Variants in DIPK1C observed in about 807,000 individuals in gnomAD.
DIPK1C encodes the protein divergent protein kinase domain 1C, also known as familial non-conventional Alzheimer's dementia.
In DIPK1C, 33 loss-of-function variants were observed where a neutral mutation model predicts 28.0. The observed-to-expected ratio is 1.18, with a 90% CI of 0.89 to 1.58. DIPK1C has a LOEUF of 1.58. Among genes scored for constraint, DIPK1C ranks in the 40% most tolerant of loss-of-function variants. The probability of loss-of-function intolerance (pLI) is 0.00; values close to 1 mark genes in which losing one functional copy is unlikely to be tolerated. For missense variants in DIPK1C, 569 were observed against 568.5 expected (o/e 1.00, Z -0.01); for synonymous variants, 255 against 248.8 (o/e 1.02, Z -0.23).
Position 74,436,001 on chromosome 18 carries a change from CCA to C in DIPK1C, c.*498_*499del, listed in dbSNP as rs1568259937. 5.7e-6 allele frequency: 1 copy of C among 174,192 alleles called. No individual in the cohort carries two copies. The highest frequency in any genetic ancestry group is 5.5e-5 in the Admixed American group (1 of 18,178). The allele number at this position is 174,192 out of a possible 1,614,324, so 10.8% of individuals were successfully genotyped here. A position where few individuals can be genotyped will look rare whatever the true frequency, so the allele number is the denominator to read the frequency against. ...CATACTCATACTCCTCATGAGCACA[CCA>C]CACTCACCTGTGCACACTCACCTGT... On this transcript the variant is annotated 3_prime_UTR_variant, in exon 4 of 4. Transcript: ENST00000343998.
At chr18:74,441,740 T>G (rs1986128574) in intron 3 of DIPK1C, among the ~76,000 whole-genome samples, 1 of 152,148 alleles carries the variant, frequency 6.6e-6, no homozygotes, top group Non-Finnish European at 1.5e-5. Flanking sequence ...CCTCATCAGA[T>G]GCCCCTGGTC....
At chr18:74,464,342 C>T in the DIPK1C span, among the ~76,000 whole-genome samples, 10 of 152,340 alleles carry the variant, frequency 6.6e-5, no homozygotes, top group Admixed American at 5.9e-4. Context: ...CTCTCTCTCA[C>T]ACCCAACACC....
Position 74,455,580 on chromosome 18 carries a change from T to C in DIPK1C, c.198+1482A>G, listed in dbSNP as rs570571858. 5.4e-4 allele frequency among the ~76,000 whole-genome samples: 82 copies of C among 152,120 alleles called. No individual in the cohort carries two copies. In the South Asian group the frequency reaches 0.012, roughly 23 times the overall value. On this transcript the variant is annotated intron_variant, in intron 1 of 3. Transcript: ENST00000343998. Reference sequence around the variant, plus strand: ...CCGAAGTGGGCGGATCGCCTGAGGTTGGGAGTTCGAGACGAGCCTGACCAA... The same window carrying C: ...CCGAAGTGGGCGGATCGCCTGAGGTCGGGAGTTCGAGACGAGCCTGACCAA...
chr18:74,452,887 C>T (rs905436815), intron 1 of DIPK1C, among the ~76,000 whole-genome samples: 16 of 151,972 alleles, frequency 1.1e-4, no homozygotes, highest in African/African-American at 3.9e-4. Flanking sequence ...AGGAGGAGTT[C>T]CTAAGGCCAG....
chr18:74,461,236 A>AG (rs1986611545), upstream of DIPK1C, among the ~76,000 whole-genome samples: 2 of 152,160 alleles, frequency 1.3e-5, no homozygotes, highest in Non-Finnish European at 2.9e-5. Flanking sequence ...ACTCAGGACA[A>AG]CAGCTCTTGC....
chr18:74,441,268 G>T (rs971556549), intron 3 of DIPK1C, among the ~76,000 whole-genome samples: 2 of 152,206 alleles, frequency 1.3e-5, no homozygotes, highest in Admixed American at 1.3e-4. Flanking sequence ...CATGGGGAAG[G>T]TCTGCCTAGA....
In DIPK1C at chr18:74,436,634, T is replaced by C. The variant is rs1986001655; in HGVS notation, c.1127A>G (p.Gln376Arg). Reference protein sequence around the residue: ...AVSFQLQLQLQEAVQECADPG... With the variant: ...AVSFQLQLQLREAVQECADPG... ...GTCTGCACATTCCTGCACCGCCTCCTGTAACTGCAGCTGAAGCTGGAAAGA... is the reference window on the plus strand; with the variant it reads ...GTCTGCACATTCCTGCACCGCCTCCCGTAACTGCAGCTGAAGCTGGAAAGA... Residue 376 changes from glutamine (Q) to arginine (R), a missense_variant, in exon 4 of 4, where the codon CAG becomes CGG. Gln to Arg is a conservative substitution (Grantham distance 43, BLOSUM62 1). Transcript: ENST00000343998. 6.2e-7 allele frequency: 1 copy of C among 1,613,906 alleles called. No homozygotes were observed. Among genetic ancestry groups the C allele is most frequent in the South Asian group, 1.1e-5 (1 of 91,062 alleles).
chr18:74,458,890 G>A (rs1264048517), upstream of DIPK1C, among the ~76,000 whole-genome samples: 1 of 151,562 alleles, frequency 6.6e-6, no homozygotes, highest in Non-Finnish European at 1.5e-5. Context: ...TGTTTTGGGA[G>A]GCCAAGGCAG....
chr18:74,437,375 T>C (rs918677760), intron 3 of DIPK1C, among the ~76,000 whole-genome samples: 53 of 152,186 alleles, frequency 3.5e-4, no homozygotes, highest in African/African-American at 1.3e-3. Context: ...GACACTCTCT[T>C]TAATTCTAAT....
chr18:74,437,887 C>T (rs948169296), intron 3 of DIPK1C, among the ~76,000 whole-genome samples: 13 of 152,090 alleles, frequency 8.5e-5, no homozygotes, highest in Admixed American at 8.5e-4. Context: ...GAGATCCCTC[C>T]AAATTGATTT....
At chr18:74,442,635 T>G (rs140732912) in intron 2 of DIPK1C, among the ~76,000 whole-genome samples, 3,138 of 152,324 alleles carry the variant, frequency 0.021, 111 homozygotes, top group African/African-American at 0.07. Context: ...GGCCGCATTT[T>G]CTTTTACACA....
chr18:74,442,139 C>T (rs777956033), intron 2 of DIPK1C, 23 bp from the exon 3 acceptor site: 21 of 1,612,598 alleles, frequency 1.3e-5, no homozygotes, highest in Non-Finnish European at 1.7e-5. Context: ...CAGCACGGGG[C>T]TATCAAAGGG....
upstream of DIPK1C, among the ~76,000 whole-genome samples, chr18:74,458,603 G>GGGGTTTGAGTGTCACTCAATCAACAGCA (rs1986568638): frequency 7.6e-6 from 1 of 132,442 alleles, no homozygotes; most frequent in African/African-American, 2.9e-5. Flanking sequence ...ACAGACCCTT[G>GGGGTTTGAGTGTCACTCAATCAACAGCA]GGGTTTGGGT....
At chr18:74,456,932 G>T in intron 1 of DIPK1C, 130 bp downstream of exon 1, 1 of 999,178 alleles carries the variant, frequency 1.0e-6, no homozygotes, top group Non-Finnish European at 1.3e-6. Flanking sequence ...ACTCCACGCA[G>T]GTGTCGGGAA....
In DIPK1C at chr18:74,457,147, G is replaced by T. The variant is rs1372654131; in HGVS notation, c.113C>A (p.Ala38Glu). 2 of 1,409,428 alleles carry T rather than the reference G, an allele frequency of 1.4e-6. No homozygotes were observed. 87.3% of individuals were successfully genotyped at this position (1,409,428 alleles called of 1,614,324 possible). A position where few individuals can be genotyped will look rare whatever the true frequency, so the allele number is the denominator to read the frequency against. ...FAAWTAGWVL[A>E]AALLLRAHPG... ...GTGCGCGCGGAGCAGCAGCGCGGCCGCCAGCACCCAGCCCGCGGTCCACGC... is the reference window on the plus strand; with the variant it reads ...GTGCGCGCGGAGCAGCAGCGCGGCCTCCAGCACCCAGCCCGCGGTCCACGC... The change falls in exon 1 of 4, where the codon GCG becomes GAG. Residue 38 changes from alanine (A) to glutamate (E), a missense_variant. Ala to Glu is a moderately radical substitution (Grantham distance 107). Transcript: ENST00000343998.
chr18:74,462,293 C>T (rs1315837500), upstream of DIPK1C, among the ~76,000 whole-genome samples: 1 of 152,198 alleles, frequency 6.6e-6, no homozygotes, highest in African/African-American at 2.4e-5. Flanking sequence ...TCAGTCTCTA[C>T]AGCTGGGGTT....
At chr18:74,450,003 G>A (rs1365727035) in intron 1 of DIPK1C, among the ~76,000 whole-genome samples, 1 of 152,142 alleles carries the variant, frequency 6.6e-6, no homozygotes, top group Non-Finnish European at 1.5e-5. Context: ...GGAGGAAAGC[G>A]GCAGCTGGTC....
chr18:74,436,368 C>T lies in DIPK1C; in HGVS notation c.*133G>A. The T allele has an allele frequency of 2.3e-6, 2 of 864,382 alleles. No homozygotes were observed. The highest frequency in any genetic ancestry group is 5.3e-5 in the East Asian group (2 of 37,416). 53.5% of individuals were successfully genotyped at this position (864,382 alleles called of 1,614,324 possible). ...GCACTGTCTCTGGCAGCAGCACTTG[C>T]CACTCCACAATGTGGAGACCAGAAC... is the stretch of plus-strand genomic sequence containing the variant. On this transcript the variant is annotated 3_prime_UTR_variant, in exon 4 of 4. Transcript: ENST00000343998.
At chr18:74,462,666 TAA>T (rs534368468), upstream of DIPK1C, among the ~76,000 whole-genome samples, 8 of 138,388 alleles carry the variant, frequency 5.8e-5, no homozygotes, top group African/African-American at 8.0e-5. Flanking sequence ...ATGTTTTGCT[TAA>T]AAAAAAAAAA....
Sources: gnomAD v4.1 joint callset for allele counts (sites outside exome capture counted in the v4.1 genomes callset) on GRCh38, gnomAD v4.1.1 for gene constraint, MANE v1.5 for transcripts, NCBI Gene and HGNC (gene_info 2026-07-23, HGNC 2026-07-21) for gene names.